Variants in KCNJ3 observed in about 807,000 individuals in gnomAD.
KCNJ3 encodes potassium inwardly rectifying channel subfamily J member 3.
In KCNJ3, 4 loss-of-function variants were observed where a neutral mutation model predicts 39.2. The ratio of observed to expected loss-of-function variants is 0.10; its 90% CI spans 0.05 to 0.23. KCNJ3 has a LOEUF of 0.23. Ranked by LOEUF, KCNJ3 falls within the 10% of genes least tolerant of loss-of-function variation. The pLI, the probability that KCNJ3 is intolerant of heterozygous loss-of-function variation, is 1.00. For missense variants in KCNJ3, 276 were observed against 634.9 expected, an observed-to-expected ratio of 0.43 and a Z score of 6.08; for synonymous variants, 230 against 237.4, an observed-to-expected ratio of 0.97 and a Z score of 0.29.
chr2:154,705,864 A>C (rs75368279), intron 1 of KCNJ3, among the ~76,000 whole-genome samples: 2,697 of 152,224 alleles, frequency 0.018, 55 homozygotes, highest in East Asian at 0.11. Context: ...TCAACAAGAT[A>C]TACTAAAATG....
chr2:154,848,312 T>C (rs1286283753), intron 2 of KCNJ3, among the ~76,000 whole-genome samples: 1 of 152,128 alleles, frequency 6.6e-6, no homozygotes, highest in Non-Finnish European at 1.5e-5. Context: ...CCTGGAAGTA[T>C]GAAAATAATA....
intron 1 of KCNJ3, among the ~76,000 whole-genome samples, chr2:154,707,432 A>G (rs1371849833): frequency 1.3e-5 from 2 of 152,104 alleles, no homozygotes; most frequent in African/African-American, 4.8e-5. Flanking sequence ...CATCCTCCTG[A>G]TAGCCTGCCT....
intron 2 of KCNJ3, among the ~76,000 whole-genome samples, chr2:154,838,488 G>A (rs1687508095): frequency 6.6e-6 from 1 of 152,042 alleles, no homozygotes; most frequent in South Asian, 2.1e-4. Flanking sequence ...ACTTCCTAGG[G>A]TAGTGAGGAG....
At chr2:154,793,467 T>C (rs2591156) in intron 2 of KCNJ3, among the ~76,000 whole-genome samples, 21,872 of 151,994 alleles carry the variant, frequency 0.14, 1,741 homozygotes, top group East Asian at 0.33. Flanking sequence ...TGAGTGGTCT[T>C]CCTTTTAACA....
intron 2 of KCNJ3, among the ~76,000 whole-genome samples, chr2:154,832,996 A>G (rs1687388793): frequency 6.6e-6 from 1 of 152,200 alleles, no homozygotes. Context: ...ATAGGGTTTG[A>G]CTATGTGACT....
chr2:154,809,885 A>C (rs1161437603), intron 2 of KCNJ3, among the ~76,000 whole-genome samples: 3 of 101,814 alleles, frequency 2.9e-5, no homozygotes, highest in Non-Finnish European at 7.1e-5. Flanking sequence ...ATCATAGAAA[A>C]TATTATATAT....
intron 2 of KCNJ3, among the ~76,000 whole-genome samples, chr2:154,835,609 C>T (rs566420608): frequency 6.6e-6 from 1 of 151,764 alleles, no homozygotes; most frequent in South Asian, 2.1e-4. Flanking sequence ...ATTATTATTT[C>T]TATCTAATGA....
chr2:154,705,387 A>G (rs1232958572), intron 1 of KCNJ3, among the ~76,000 whole-genome samples: 1 of 152,166 alleles, frequency 6.6e-6, no homozygotes, highest in African/African-American at 2.4e-5. Flanking sequence ...AGCACTTAAC[A>G]GTCGCCCTCT....
intron 2 of KCNJ3, among the ~76,000 whole-genome samples, chr2:154,846,896 C>T (rs1027299114): frequency 6.6e-6 from 1 of 152,056 alleles, no homozygotes; most frequent in African/African-American, 2.4e-5. Context: ...GGCTTTTCTT[C>T]TTTTTTTATT....
chr2:154,854,994 C>A lies in KCNJ3; in HGVS notation c.1187C>A (p.Thr396Asn). 3 of 1,613,896 alleles carry A rather than the reference C, an allele frequency of 1.9e-6. No homozygotes were observed. The highest frequency in any genetic ancestry group is 2.5e-6 in the Non-Finnish European group (3 of 1,179,884). Residue 396 changes from threonine to asparagine, a missense_variant, in exon 3 of 3, where the codon ACT becomes AAT. Physicochemically the swap from Thr to Asn is moderately conservative, Grantham distance 65. Around this residue, in one of 4 missense-constraint regions of KCNJ3, gnomAD observed 126 missense variants for 179.8 expected, o/e 0.70. Coordinates refer to ENST00000295101, the MANE Select transcript of KCNJ3 (RefSeq NM_002239.4). ...TGCTTAGATGGACTAGATGATATTA[C>A]TACAAAACTACCATCTAAGCTGCAG... ...VECLDGLDDI[T>N]TKLPSKLQKI...
At chr2:154,796,433 A>G (rs2105213807) in intron 2 of KCNJ3, among the ~76,000 whole-genome samples, 1 of 152,232 alleles carries the variant, frequency 6.6e-6, no homozygotes, top group African/African-American at 2.4e-5. Flanking sequence ...TCACTGTTAT[A>G]TTGACATAAT....
chr2:154,788,487 T>G (rs771453454), intron 2 of KCNJ3, among the ~76,000 whole-genome samples: 13 of 152,146 alleles, frequency 8.5e-5, no homozygotes, highest in Non-Finnish European at 1.8e-4. Flanking sequence ...AAAAGCAATT[T>G]ACTGGTTAGA....
chr2:154,855,623 A>G lies in KCNJ3; in HGVS notation c.*310A>G. On this transcript the variant is annotated 3_prime_UTR_variant, in exon 3 of 3. Transcript: ENST00000295101. ...TTTATATTGTATATTCTGGAAAAAA[A>G]ATATATATATATATTTAAAGGGGAG... 1 of 166,306 alleles carries G rather than the reference A, an allele frequency of 6.0e-6. No homozygotes were observed. Among genetic ancestry groups the G allele is most frequent in the Non-Finnish European group, 1.3e-5 (1 of 77,034 alleles). 10.3% of individuals were successfully genotyped at this position (166,306 alleles called of 1,614,324 possible).
At chr2:154,839,233 G>A (rs1479115759) in intron 2 of KCNJ3, among the ~76,000 whole-genome samples, 1 of 152,276 alleles carries the variant, frequency 6.6e-6, no homozygotes, top group South Asian at 2.1e-4. Context: ...TGCTGGGAAT[G>A]ATGGTTTCTA....
intron 2 of KCNJ3, among the ~76,000 whole-genome samples, chr2:154,767,872 T>C (rs958749195): frequency 3.9e-5 from 6 of 152,310 alleles, no homozygotes; most frequent in East Asian, 1.9e-4. Flanking sequence ...TTTTAATGAT[T>C]GCCATTCTAA....
intron 2 of KCNJ3, among the ~76,000 whole-genome samples, chr2:154,724,193 T>C (rs997660227): frequency 6.6e-6 from 1 of 152,108 alleles, no homozygotes; most frequent in Non-Finnish European, 1.5e-5. Flanking sequence ...ATCAGTCTCA[T>C]GGTGACAATT....
intron 2 of KCNJ3, among the ~76,000 whole-genome samples, chr2:154,839,608 C>CT (rs1687539011): frequency 6.6e-6 from 1 of 152,132 alleles, no homozygotes. Context: ...TGTTTCCTGA[C>CT]TTTTTAATGA....
intron 2 of KCNJ3, among the ~76,000 whole-genome samples, chr2:154,737,386 A>G (rs1424716740): frequency 6.6e-6 from 1 of 152,226 alleles, no homozygotes; most frequent in Non-Finnish European, 1.5e-5. Context: ...AAATACAAAA[A>G]TATTTAGTAC....
chr2:154,824,652 A>G (rs1171919794), intron 2 of KCNJ3, among the ~76,000 whole-genome samples: 3 of 152,236 alleles, frequency 2.0e-5, no homozygotes, highest in Non-Finnish European at 4.4e-5. Context: ...TCTTGTATTG[A>G]GAAACATATA....
Sources: gnomAD v4.1 joint callset for allele counts (sites outside exome capture counted in the v4.1 genomes callset) on GRCh38, gnomAD v4.1.1 for gene constraint, gnomAD v4.1.1 regional missense constraint, MANE v1.5 for transcripts, NCBI Gene and HGNC (gene_info 2026-07-23, HGNC 2026-07-21) for gene names.